SPATS2L: variants seen among roughly 807,000 people sequenced by gnomAD.
SPATS2L encodes SPATS2-like protein.
In SPATS2L, 30 loss-of-function variants were observed where a neutral mutation model predicts 59.6. The observed-to-expected ratio is 0.50, with a 90% CI of 0.38 to 0.68. The LOEUF is 0.68. SPATS2L is among the 30% of genes least tolerant of loss of function. The probability of loss-of-function intolerance (pLI) is 0.00; values close to 1 mark genes in which losing one functional copy is unlikely to be tolerated. For synonymous variants in SPATS2L, 252 were observed against 263.5 expected (o/e 0.96, Z 0.42); for missense variants, 615 against 700.0 (o/e 0.88, Z 1.37).
intron 2 of SPATS2L, among the ~76,000 whole-genome samples, chr2:200,356,629 A>AT (rs1328520639): frequency 6.6e-6 from 1 of 152,248 alleles, no homozygotes; most frequent in Non-Finnish European, 1.5e-5. Context: ...AATGAGCAAT[A>AT]TAACTTATCA....
At chr2:200,308,996 C>T (rs1054428361) in intron 1 of SPATS2L, 6 of 717,034 alleles carry the variant, frequency 8.4e-6, no homozygotes, top group Non-Finnish European at 1.3e-5. Context: ...CTCTGCCACA[C>T]CAGTAAGGAT....
chr2:200,367,710 T>G (rs1261926846), intron 2 of SPATS2L, among the ~76,000 whole-genome samples: 3 of 1,548 alleles, frequency 1.9e-3, no homozygotes, highest in African/African-American at 4.0e-3. Context: ...GAATTCCAAT[T>G]TTTATGCTAC....
At chr2:200,403,936 G>A (rs1182312264) in intron 3 of SPATS2L, among the ~76,000 whole-genome samples, 1 of 152,070 alleles carries the variant, frequency 6.6e-6, no homozygotes, top group African/African-American at 2.4e-5. Context: ...CAGAGGAATG[G>A]TTTCCATAAA....
intron 2 of SPATS2L, among the ~76,000 whole-genome samples, chr2:200,371,062 T>A (rs974254162): frequency 2.0e-5 from 3 of 152,192 alleles, no homozygotes; most frequent in African/African-American, 4.8e-5. Flanking sequence ...GGGGTTTTAA[T>A]TGATTGTCGG....
chr2:200,349,066 CT>C (rs982958615), intron 2 of SPATS2L, among the ~76,000 whole-genome samples: 6 of 152,030 alleles, frequency 3.9e-5, no homozygotes, highest in African/African-American at 7.2e-5. Flanking sequence ...TAAAACAGCC[CT>C]TTTTTAAAAA....
chr2:200,451,491 G>A (rs75023355), intron 8 of SPATS2L, among the ~76,000 whole-genome samples: 5,582 of 152,260 alleles, frequency 0.037, 212 homozygotes, highest in East Asian at 0.12. Flanking sequence ...TAACAAGTGA[G>A]TACATAAAAT....
At chr2:200,430,564 TTC>T (rs1340143077) in intron 6 of SPATS2L, among the ~76,000 whole-genome samples, 2 of 152,184 alleles carry the variant, frequency 1.3e-5, no homozygotes, top group Non-Finnish European at 2.9e-5. Context: ...AACCTTTGTA[TTC>T]TGTTTTTTAC....
intron 6 of SPATS2L, among the ~76,000 whole-genome samples, chr2:200,423,039 G>T (rs2083380703): frequency 1.3e-5 from 2 of 152,142 alleles, no homozygotes; most frequent in African/African-American, 4.8e-5. Context: ...ATATGGCATG[G>T]ATACTCTGGA....
chr2:200,475,393 T>C (rs2087435839), intron 12 of SPATS2L, among the ~76,000 whole-genome samples: 1 of 152,102 alleles, frequency 6.6e-6, no homozygotes, highest in Non-Finnish European at 1.5e-5. Flanking sequence ...CATCAATCCA[T>C]TTGTGTAAGG....
chr2:200,423,526 CA>C (rs1297697292), intron 6 of SPATS2L, among the ~76,000 whole-genome samples: 1 of 152,026 alleles, frequency 6.6e-6, no homozygotes, highest in Non-Finnish European at 1.5e-5. Flanking sequence ...CTGTAGTTTG[CA>C]AAAGGCTGAC....
Position 200,366,279 on chromosome 2 carries a change from A to G in SPATS2L, c.-22-22944A>G, listed in dbSNP as rs1359538145. On this transcript the variant is annotated intron_variant, in intron 2 of 12. Coordinates refer to ENST00000409140, the MANE Select transcript of SPATS2L (RefSeq NM_001100423.2). ...ACATACATTAACAGTCAACAGATTC[A>G]TACCTGTTTTGTGCTGATATTTCTG... Among the ~76,000 whole-genome samples, 4 of 152,176 alleles carry G rather than the reference A, an allele frequency of 2.6e-5. No individual in the cohort carries two copies. In the East Asian group the frequency reaches 7.7e-4, roughly 29 times the overall value.
intron 6 of SPATS2L, among the ~76,000 whole-genome samples, chr2:200,423,087 A>G (rs1441526051): frequency 6.6e-6 from 1 of 152,186 alleles, no homozygotes; most frequent in Non-Finnish European, 1.5e-5. Context: ...ACAGAGTGAG[A>G]TGGCACAAGA....
intron 9 of SPATS2L, among the ~76,000 whole-genome samples, chr2:200,464,821 C>T (rs1022154154): frequency 2.6e-5 from 4 of 152,070 alleles, no homozygotes; most frequent in East Asian, 3.9e-4. Flanking sequence ...GAAGAACATA[C>T]CTCATTTCAT....
intron 2 of SPATS2L, among the ~76,000 whole-genome samples, chr2:200,330,522 TTCTG>T (rs2079903858): frequency 6.6e-6 from 1 of 152,200 alleles, no homozygotes; most frequent in South Asian, 2.1e-4. Context: ...ACTGTTGATT[TTCTG>T]TCTTTCTGTC....
chr2:200,341,005 A>G (rs1183169827), intron 2 of SPATS2L, among the ~76,000 whole-genome samples: 1 of 152,204 alleles, frequency 6.6e-6, no homozygotes, highest in East Asian at 1.9e-4. Flanking sequence ...TTGTGGCCCT[A>G]AAATACTTAG....
chr2:200,442,821 A>G (rs2084786246), intron 8 of SPATS2L, among the ~76,000 whole-genome samples: 2 of 152,190 alleles, frequency 1.3e-5, no homozygotes, highest in African/African-American at 4.8e-5. Flanking sequence ...AGGAAAGTCA[A>G]CACCCAAGGA....
intron 6 of SPATS2L, among the ~76,000 whole-genome samples, chr2:200,436,500 A>G (rs976969231): frequency 2.6e-5 from 4 of 152,134 alleles, no homozygotes; most frequent in Non-Finnish European, 4.4e-5. Context: ...CCTAAAAAAA[A>G]TCTCTACTCA....
intron 2 of SPATS2L, among the ~76,000 whole-genome samples, chr2:200,343,329 T>G (rs2080395160): frequency 6.6e-6 from 1 of 152,192 alleles, no homozygotes; most frequent in Non-Finnish European, 1.5e-5. Context: ...ATACGGAGTA[T>G]ATAATATAAA....
chr2:200,341,989 A>G (rs1270547787), intron 2 of SPATS2L, among the ~76,000 whole-genome samples: 2 of 152,122 alleles, frequency 1.3e-5, no homozygotes, highest in African/African-American at 2.4e-5. Flanking sequence ...CGCCCGGCCA[A>G]CTATAACATT....
Sources: allele counts gnomAD v4.1 joint callset (sites outside exome capture counted in the v4.1 genomes callset), GRCh38; gene constraint gnomAD v4.1.1; transcripts MANE v1.5; gene names NCBI Gene and HGNC (gene_info 2026-07-23, HGNC 2026-07-21).